The following PAX4 variants were observed in gnomAD, a reference collection of about 807,000 sequenced individuals.
PAX4 encodes the protein paired box 4.
PAX4 carries 33 observed loss-of-function variants against 40.6 expected under a neutral mutation model. The ratio of observed to expected loss-of-function variants is 0.81; its 90% CI spans 0.62 to 1.09. The LOEUF is 1.09. PAX4 is among the 50% of genes least tolerant of loss of function. PAX4 has a pLI of 0.00. For missense variants in PAX4, 459 were observed against 442.5 expected (o/e 1.04, Z -0.33); for synonymous variants, 174 against 170.6 (o/e 1.02, Z -0.16).
Position 127,618,089 on chromosome 7 carries a change from C to A in PAX4, c.-353G>T, listed in dbSNP as rs1310476807. On this transcript the variant is annotated 5_prime_UTR_variant, in exon 1 of 12. Coordinates refer to ENST00000639438, the MANE Select transcript of PAX4 (RefSeq NM_001366110.1). ...CACTCTGCTCCTGCTTCAGTCCTGC[C>A]AGGGGGTCCAGAGCTATAGAGAGCC... 2.0e-5 allele frequency: 3 copies of A among 152,390 alleles called. No individual in the cohort carries two copies. Among genetic ancestry groups the A allele is most frequent in the Non-Finnish European group, 4.4e-5 (3 of 68,220 alleles). 9.4% of individuals were successfully genotyped at this position (152,390 alleles called of 1,614,324 possible).
intron 5 of PAX4, 99 bp downstream of exon 5, chr7:127,614,781 A>C: frequency 6.7e-7 from 1 of 1,503,316 alleles, no homozygotes; most frequent in Non-Finnish European, 9.1e-7. Flanking sequence ...GAGCCCTGTC[A>C]CCAGCTTGGG....
In PAX4 at chr7:127,611,198, G is replaced by T; in HGVS notation, c.922C>A (p.Pro308Thr). The change falls in exon 12 of 12, where the codon CCC becomes ACC. Residue 308 changes from proline to threonine, a missense_variant. Transcript: ENST00000639438. ...GAGTCCAGGGAATTCGGCTGTGGGG[G>T]CAAGTGGCCTGTGGGGACAAATAGA... ...ACLKPCWGHL[P>T]PQPNSLDSGL... The T allele has an allele frequency of 2.5e-6, 4 of 1,598,760 alleles. No individual in the cohort carries two copies. Among genetic ancestry groups the T allele is most frequent in the Non-Finnish European group, 3.4e-6 (4 of 1,172,888 alleles).
chr7:127,613,232 GC>G, intron 8 of PAX4, 141 bp from the exon 9 acceptor site: 1 of 864,872 alleles, frequency 1.2e-6, no homozygotes, highest in South Asian at 1.4e-5. Flanking sequence ...TCTAGCTTTT[GC>G]TCTCTGGCCC....
At chr7:127,616,717 T>C (rs1794728828) in intron 2 of PAX4, among the ~76,000 whole-genome samples, 1 of 152,238 alleles carries the variant, frequency 6.6e-6, no homozygotes, top group African/African-American at 2.4e-5. Context: ...GAGTTCTAGA[T>C]CTCACAGTGA....
At chr7:127,617,214 A>G (rs1225126201) in intron 2 of PAX4, 61 bp downstream of exon 2, 4 of 152,232 alleles carry the variant, frequency 2.6e-5, no homozygotes, top group Non-Finnish European at 4.4e-5. Context: ...AAAGAATTAC[A>G]AAGAGTTTGG....
intron 9 of PAX4, among the ~76,000 whole-genome samples, chr7:127,612,207 T>C (rs1170231271): frequency 6.6e-6 from 1 of 152,232 alleles, no homozygotes; most frequent in African/African-American, 2.4e-5. Context: ...ATGATTAAAT[T>C]CCAGTGATGG....
At chr7:127,615,635 T>G in intron 3 of PAX4, 104 bp from the exon 4 acceptor site, 2 of 1,598,236 alleles carry the variant, frequency 1.3e-6, no homozygotes, top group Admixed American at 1.7e-5. Context: ...CACCACCGAG[T>G]GCATCCTCTC....
chr7:127,616,989 TCACCCCAAGGAAC>T (rs1794732636), intron 2 of PAX4, among the ~76,000 whole-genome samples: 2 of 152,200 alleles, frequency 1.3e-5, no homozygotes, highest in Non-Finnish European at 2.9e-5. Flanking sequence ...GTGCTGGAGA[TCACCCCAAGGAAC>T]AGCTTATGCA....
intron 8 of PAX4, 52 bp from the exon 9 acceptor site, chr7:127,613,143 C>T (rs1370031450): frequency 2.2e-6 from 3 of 1,392,926 alleles, no homozygotes; most frequent in Non-Finnish European, 3.1e-6. Context: ...CTGCCTGTCA[C>T]CTGCTGATCT....
At position 127,614,538 on chromosome 7, in the gene PAX4, A is replaced by G; in HGVS notation, c.380T>C (p.Val127Ala). ...KTPSVSSINR[V>A]LRALQEDQGL... is the part of the protein sequence containing the mutation. Reference sequence around the variant, plus strand: ...CTGGTCCTCCTGTAATGCCCGCAGGACTCGGTTGATGGAGGAGACCTGGGA... The same window carrying G: ...CTGGTCCTCCTGTAATGCCCGCAGGGCTCGGTTGATGGAGGAGACCTGGGA... Residue 127 changes from valine (V) to alanine (A), a missense_variant, in exon 6 of 12, where the codon GTC becomes GCC. Val to Ala is a moderately conservative substitution (Grantham distance 64). Transcript: ENST00000639438. The G allele has an allele frequency of 1.3e-6, 2 of 1,594,170 alleles. No homozygotes were observed. The highest frequency in any genetic ancestry group is 1.7e-6 in the Non-Finnish European group (2 of 1,169,960).
Position 127,613,080 on chromosome 7 carries a change from G to A in PAX4, c.657C>T (p.Ser219=), listed in dbSNP as rs762869940. The A allele has an allele frequency of 2.5e-6, 4 of 1,613,498 alleles. No homozygotes were observed. Among genetic ancestry groups the A allele is most frequent in the African/African-American group, 1.3e-5 (1 of 75,024 alleles). ...LPEDTVRVWF[S]NRRAKWRRQE... ...GCCGACGCCATTTGGCTCTTCTGTT[G>A]GAAAACCAGACCTGAGCGAGGACAG... The change falls in exon 9 of 12, where the codon TCC becomes TCT. Residue 219 remains serine (S), a synonymous_variant. Coordinates refer to ENST00000639438, the MANE Select transcript of PAX4 (RefSeq NM_001366110.1).
At chr7:127,616,054 G>C in intron 2 of PAX4, 27 bp from the exon 3 acceptor site, 1 of 1,142,264 alleles carries the variant, frequency 8.8e-7, no homozygotes, top group Non-Finnish European at 1.2e-6. Flanking sequence ...TTATTTGGGT[G>C]AGGTCTTTTG....
intron 1 of PAX4, 143 bp downstream of exon 1, chr7:127,617,819 G>A (rs1319019358): frequency 6.6e-6 from 1 of 152,338 alleles, no homozygotes; most frequent in Non-Finnish European, 1.5e-5. Flanking sequence ...GTGCTTGCAA[G>A]ATGGAAAAAC....
chr7:127,611,714 G>A (rs772618805), intron 10 of PAX4, 38 bp from the exon 11 acceptor site: 23 of 1,605,162 alleles, frequency 1.4e-5, no homozygotes, highest in Middle Eastern at 3.4e-4. Context: ...TTAGCTTCCA[G>A]TGATGCCTCC....
Position 127,611,091 on chromosome 7 carries a change from G to T in PAX4, c.1029C>A (p.Gly343=). The T allele has an allele frequency of 1.2e-6, 2 of 1,607,394 alleles. No individual in the cohort carries two copies. Among genetic ancestry groups the T allele is most frequent in the Non-Finnish European group, 8.5e-7 (1 of 1,176,324 alleles). ...ATTCCAAGCCATACAGTAGTGGGCA[G>T]CCAGGCCAGAGCAGGGCCTGAGAGC... ...LSGSQALLWP[G]CPLLYGLE Residue 343 remains glycine (G), a synonymous_variant, in exon 12 of 12, where the codon GGC becomes GGA. Transcript: ENST00000639438.
At chr7:127,614,363 A>C (rs908897310) in intron 6 of PAX4, 119 bp downstream of exon 6, 66 of 812,658 alleles carry the variant, frequency 8.1e-5, no homozygotes, top group Non-Finnish European at 1.3e-4. Flanking sequence ...CTCCCTGCCC[A>C]GTCCTCCTTA....
At chr7:127,615,845 A>C in intron 3 of PAX4, 71 bp downstream of exon 3, 1 of 1,534,430 alleles carries the variant, frequency 6.5e-7, no homozygotes, top group South Asian at 1.2e-5. Flanking sequence ...CAGTTGATGG[A>C]AGCAAAGCCC....
rs903185898 is a variant in PAX4 at position 127,618,040 on chromosome 7, T to C, written c.-304A>G. On this transcript the variant is annotated 5_prime_UTR_variant, in exon 1 of 12. Transcript: ENST00000639438. ...CCCCTGCAGGCTCCAGGGGTGGTGATGATCTGGTCTTGGTAACAGCCTCCA... is the reference window on the plus strand; with the variant it reads ...CCCCTGCAGGCTCCAGGGGTGGTGACGATCTGGTCTTGGTAACAGCCTCCA... 1 of 152,222 alleles carries C rather than the reference T, an allele frequency of 6.6e-6. No homozygotes were observed. The highest frequency in any genetic ancestry group is 1.5e-5 in the Non-Finnish European group (1 of 68,110). The allele number at this position is 152,222 out of a possible 1,614,324, so 9.4% of individuals were successfully genotyped here.
At chr7:127,616,097 AT>A in intron 2 of PAX4, 70 bp from the exon 3 acceptor site, 1 of 729,440 alleles carries the variant, frequency 1.4e-6, no homozygotes, top group Admixed American at 2.9e-5. Flanking sequence ...GTGTTTTGTG[AT>A]AGAGGGTCAG....
Sources: allele counts gnomAD v4.1 joint callset (sites outside exome capture counted in the v4.1 genomes callset), GRCh38; gene constraint gnomAD v4.1.1; transcripts MANE v1.5; gene names NCBI Gene and HGNC (gene_info 2026-07-23, HGNC 2026-07-21).